KHDRBS2: variants seen among roughly 807,000 people sequenced by gnomAD.
KHDRBS2 encodes the protein KH RNA binding domain containing, signal transduction associated 2, also known as KH domain-containing, RNA-binding, signal transduction-associated protein 2.
In KHDRBS2, 26 loss-of-function variants were observed where a neutral mutation model predicts 44.3. The observed-to-expected ratio is 0.59, with a 90% confidence interval of 0.43 to 0.81. KHDRBS2 has a LOEUF of 0.81. Ranked by LOEUF, KHDRBS2 falls within the 40% of genes least tolerant of loss-of-function variation. The pLI is 0.00. For synonymous variants in KHDRBS2, 194 were observed against 151.1 expected, an observed-to-expected ratio of 1.28 and a Z score of -2.08; for missense variants, 476 against 433.1, an observed-to-expected ratio of 1.10 and a Z score of -0.88.
chr6:61,589,541 T>C, the KHDRBS2 span, among the ~76,000 whole-genome samples: 36 of 152,330 alleles, frequency 2.4e-4, no homozygotes, highest in East Asian at 6.6e-3. Context: ...TTTCTCAGGA[T>C]AATTTGACCT....
At chr6:61,657,325 T>C in the KHDRBS2 span, among the ~76,000 whole-genome samples, 1 of 152,050 alleles carries the variant, frequency 6.6e-6, no homozygotes, top group African/African-American at 2.4e-5. Context: ...CACCGTACTA[T>C]TTTCCCATCT....
At chr6:62,094,247 G>T (rs370648236) in intron 2 of KHDRBS2, among the ~76,000 whole-genome samples, 2 of 151,700 alleles carry the variant, frequency 1.3e-5, no homozygotes, top group East Asian at 1.9e-4. Flanking sequence ...GAAGTAAGGG[G>T]TATCTCATTT....
At chr6:62,231,403 A>C (rs1288299524) in intron 1 of KHDRBS2, among the ~76,000 whole-genome samples, 1 of 152,142 alleles carries the variant, frequency 6.6e-6, no homozygotes, top group African/African-American at 2.4e-5. Context: ...AAATCATCAG[A>C]TCTCATGAGA....
chr6:62,148,565 A>AC (rs1303360041), intron 2 of KHDRBS2, among the ~76,000 whole-genome samples: 2 of 151,976 alleles, frequency 1.3e-5, no homozygotes, highest in African/African-American at 4.8e-5. Context: ...GGTCACACAA[A>AC]CCTGCCTCCA....
chr6:62,258,414 T>C (rs1250142002), intron 1 of KHDRBS2, among the ~76,000 whole-genome samples: 2 of 152,032 alleles, frequency 1.3e-5, no homozygotes, highest in Non-Finnish European at 2.9e-5. Flanking sequence ...ATTAATGGTA[T>C]GTCATACTTC....
intron 2 of KHDRBS2, among the ~76,000 whole-genome samples, chr6:62,175,841 G>A (rs1820978743): frequency 6.6e-6 from 1 of 151,400 alleles, no homozygotes; most frequent in Admixed American, 6.6e-5. Flanking sequence ...GGAACTTAAA[G>A]AGCCATCAAG....
chr6:62,223,087 G>A (rs541249129), intron 1 of KHDRBS2, among the ~76,000 whole-genome samples: 2 of 152,318 alleles, frequency 1.3e-5, no homozygotes, highest in Admixed American at 6.5e-5. Flanking sequence ...TTTCCCTTCT[G>A]CACAGTCCTA....
chr6:61,744,288 G>C (rs1776573379), intron 6 of KHDRBS2, among the ~76,000 whole-genome samples: 2 of 152,072 alleles, frequency 1.3e-5, no homozygotes. Flanking sequence ...ACAGGGCAAT[G>C]AAAGTGTGTC....
intron 1 of KHDRBS2, 26 bp downstream of exon 1, chr6:62,285,832 T>C: frequency 6.4e-7 from 1 of 1,571,054 alleles, no homozygotes; most frequent in Non-Finnish European, 8.7e-7. Context: ...CGGCGGTTTG[T>C]GCCCATCTGT....
chr6:61,991,552 C>T (rs1369903783), intron 3 of KHDRBS2, among the ~76,000 whole-genome samples: 2 of 152,078 alleles, frequency 1.3e-5, no homozygotes, highest in African/African-American at 4.8e-5. Context: ...GTAATCTTCC[C>T]CCAGTAGATA....
intron 2 of KHDRBS2, among the ~76,000 whole-genome samples, chr6:62,104,479 T>A (rs1472513980): frequency 6.6e-6 from 1 of 152,116 alleles, no homozygotes; most frequent in Non-Finnish European, 1.5e-5. Flanking sequence ...TAAAATTGGG[T>A]ATCAGTAATT....
At chr6:61,653,100 T>C in the KHDRBS2 span, among the ~76,000 whole-genome samples, 4,667 of 151,410 alleles carry the variant, frequency 0.031, 243 homozygotes, top group African/African-American at 0.11. Context: ...ACTTAATTGA[T>C]GGTGGAGTCA....
intron 7 of KHDRBS2, among the ~76,000 whole-genome samples, chr6:61,717,698 G>A (rs1771679133): frequency 1.3e-5 from 2 of 152,064 alleles, no homozygotes; most frequent in Non-Finnish European, 2.9e-5. Flanking sequence ...TTTCATTAGA[G>A]GGATTTCTGT....
At chr6:61,673,484 G>A in the KHDRBS2 span, among the ~76,000 whole-genome samples, 1 of 150,090 alleles carries the variant, frequency 6.7e-6, no homozygotes, top group South Asian at 2.1e-4. Flanking sequence ...AAGTCAAATT[G>A]TCCCTGTTTG....
At chr6:61,911,931 A>T (rs1806129962) in intron 4 of KHDRBS2, among the ~76,000 whole-genome samples, 1 of 152,088 alleles carries the variant, frequency 6.6e-6, no homozygotes, top group Non-Finnish European at 1.5e-5. Context: ...TTCTTTCCGA[A>T]TATTTAATCA....
chr6:61,865,194 T>A (rs1246742056), intron 6 of KHDRBS2, among the ~76,000 whole-genome samples: 2 of 152,208 alleles, frequency 1.3e-5, no homozygotes, highest in Non-Finnish European at 2.9e-5. Flanking sequence ...ATTCTTAGCA[T>A]CCTTGTATTG....
chr6:61,821,796 T>A (rs1789957422), intron 6 of KHDRBS2, among the ~76,000 whole-genome samples: 1 of 152,016 alleles, frequency 6.6e-6, no homozygotes, highest in Non-Finnish European at 1.5e-5. Flanking sequence ...AAGATTTTTT[T>A]TTCCATTAGA....
chr6:61,836,058 G>A (rs1792621730), intron 6 of KHDRBS2, among the ~76,000 whole-genome samples: 3 of 151,926 alleles, frequency 2.0e-5, no homozygotes, highest in Admixed American at 2.0e-4. Flanking sequence ...GAGAGATTAA[G>A]TACTATACTC....
Position 62,194,480 on chromosome 6 carries a change from C to CTTTT in KHDRBS2, c.92-17172_92-17169dup, listed in dbSNP as rs70996208. On this transcript the variant is annotated intron_variant, in intron 1 of 8. Transcript: ENST00000281156. Reference sequence around the variant, plus strand: ...CACTTTCTTTTCTTTTCTTTTCTTCCTTTTTTTTTTTTTTTTTTTTTTTTT... The same window carrying CTTTT: ...CACTTTCTTTTCTTTTCTTTTCTTCCTTTTTTTTTTTTTTTTTTTTTTTTTTTTT... 2.0e-3 allele frequency among the ~76,000 whole-genome samples: 137 copies of CTTTT among 69,754 alleles called. 6 individuals carry two copies. Among genetic ancestry groups the CTTTT allele is most frequent in the Non-Finnish European group, 2.7e-3 (108 of 39,766 alleles). 45.8% of individuals were successfully genotyped at this position (69,754 alleles called of 152,430 possible). A position where few individuals can be genotyped will look rare whatever the true frequency, so the allele number is the denominator to read the frequency against.
Sources: gnomAD v4.1 joint callset for allele counts (sites outside exome capture counted in the v4.1 genomes callset) on GRCh38, gnomAD v4.1.1 for gene constraint, MANE v1.5 for transcripts, NCBI Gene and HGNC (gene_info 2026-07-23, HGNC 2026-07-21) for gene names.